The following TM9SF3 variants were observed in gnomAD, a reference collection of about 807,000 sequenced individuals.
TM9SF3 encodes transmembrane 9 superfamily member 3.
In TM9SF3, 14 loss-of-function variants were observed where a neutral mutation model predicts 78.6. That is an observed-to-expected ratio of 0.18 (90% confidence interval 0.12 to 0.28). The LOEUF is 0.28. TM9SF3 is among the 10% of genes least tolerant of loss of function. TM9SF3 has a pLI of 1.00. For synonymous variants in TM9SF3, 231 were observed against 241.7 expected (o/e 0.96, Z 0.41); for missense variants, 496 against 721.9 (o/e 0.69, Z 3.59).
chr10:96,565,216 C>T, intron 3 of TM9SF3, 88 bp downstream of exon 3: 1 of 1,186,462 alleles, frequency 8.4e-7, no homozygotes, highest in Non-Finnish European at 1.1e-6. Context: ...ACACCATGAT[C>T]CAGTACACAA....
intron 6 of TM9SF3, among the ~76,000 whole-genome samples, chr10:96,551,844 G>A (rs1476644365): frequency 1.3e-5 from 2 of 152,080 alleles, no homozygotes; most frequent in Non-Finnish European, 2.9e-5. Context: ...ATGCAGAAAT[G>A]TCCTTTAGCG....
intron 3 of TM9SF3, among the ~76,000 whole-genome samples, chr10:96,565,032 T>A (rs1164135228): frequency 6.6e-6 from 1 of 152,138 alleles, no homozygotes; most frequent in Non-Finnish European, 1.5e-5. Flanking sequence ...AGAAGAAATT[T>A]TTAGATTGTT....
chr10:96,579,826 G>C (rs1426863563), intron 1 of TM9SF3, among the ~76,000 whole-genome samples: 3 of 152,156 alleles, frequency 2.0e-5, no homozygotes, highest in Non-Finnish European at 4.4e-5. Context: ...CTGAGAATAA[G>C]TGCTTCCAAG....
intron 14 of TM9SF3, 90 bp from the exon 15 acceptor site, chr10:96,522,420 G>A (rs956722090): frequency 9.6e-7 from 1 of 1,039,542 alleles, no homozygotes; most frequent in East Asian, 2.9e-5. Flanking sequence ...GCTCTGGAAA[G>A]TTATTCTTTT....
Position 96,530,555 on chromosome 10 carries a change from G to A in TM9SF3, c.1379C>T (p.Ser460Leu). 6.2e-7 allele frequency: 1 copy of A among 1,611,934 alleles called. No homozygotes were observed. The highest frequency in any genetic ancestry group is 8.5e-7 in the Non-Finnish European group (1 of 1,178,916). Residue 460 changes from serine to leucine, a missense_variant, in exon 11 of 15, where the codon TCA becomes TTA. Around this residue, in one of 4 missense-constraint regions of TM9SF3, gnomAD observed 280 missense variants for 422.6 expected, o/e 0.66. Transcript: ENST00000371142. ...CAAAACTTACATTTCAATAAAGATT[G>A]AACCAAAAGGTAAAATTCCACCCAG... ...VCLGGILPFG[S>L]IFIEMYFIFT...
chr10:96,557,701 G>A (rs1848252468), intron 5 of TM9SF3, among the ~76,000 whole-genome samples: 1 of 152,034 alleles, frequency 6.6e-6, no homozygotes, highest in African/African-American at 2.4e-5. Context: ...TTTCAATGGT[G>A]TTGCCTCCAC....
At chr10:96,573,205 T>C (rs2134158072) in intron 2 of TM9SF3, among the ~76,000 whole-genome samples, 1 of 152,340 alleles carries the variant, frequency 6.6e-6, no homozygotes, top group Middle Eastern at 3.4e-3. Flanking sequence ...AGAGACATAA[T>C]GTTCCAGTTT....
chr10:96,582,865 A>G (rs1288316145), intron 1 of TM9SF3, among the ~76,000 whole-genome samples: 1 of 152,068 alleles, frequency 6.6e-6, no homozygotes, highest in Admixed American at 6.5e-5. Context: ...GGATCACCTG[A>G]TATCAGGAGT....
At position 96,576,834 on chromosome 10, in the gene TM9SF3, A is replaced by G. The variant is rs997562377; in HGVS notation, c.103-5T>C. ...AACTTCCTCTTTATCTTGATACTGA[A>G]ACAAGAAAAGCAAACAAGAATTAAA... On this transcript the variant is annotated splice_region_variant and splice_polypyrimidine_tract_variant and intron_variant, in intron 1 of 14. Transcript: ENST00000371142. The G allele has an allele frequency of 1.7e-5, 25 of 1,499,244 alleles. No homozygotes were observed. Among genetic ancestry groups the G allele is most frequent in the Non-Finnish European group, 2.2e-5 (25 of 1,128,416 alleles). The allele number at this position is 1,499,244 out of a possible 1,614,324, so 92.9% of individuals were successfully genotyped here.
At chr10:96,551,115 T>A in intron 7 of TM9SF3, 130 bp downstream of exon 7, 1 of 813,586 alleles carries the variant, frequency 1.2e-6, no homozygotes, top group Non-Finnish European at 1.9e-6. Flanking sequence ...TCTGCATTTA[T>A]GATATTTATC....
intron 2 of TM9SF3, 136 bp from the exon 3 acceptor site, chr10:96,565,562 T>C: frequency 1.0e-6 from 1 of 978,538 alleles, no homozygotes; most frequent in South Asian, 1.8e-5. Flanking sequence ...GAGTGATAAA[T>C]AAGTGTGGGT....
chr10:96,570,813 T>C (rs1474981950), intron 2 of TM9SF3, among the ~76,000 whole-genome samples: 4 of 152,180 alleles, frequency 2.6e-5, no homozygotes, highest in Admixed American at 2.6e-4. Context: ...TGGTACAATC[T>C]TGGCTCACTG....
chr10:96,543,148 T>C (rs1280201770), intron 9 of TM9SF3, among the ~76,000 whole-genome samples: 1 of 152,186 alleles, frequency 6.6e-6, no homozygotes, highest in African/African-American at 2.4e-5. Flanking sequence ...AGTCTAGGCC[T>C]AAAATTCTGT....
rs376285496 is a variant in TM9SF3 at position 96,533,084 on chromosome 10, T to C, written c.1292A>G (p.Asn431Ser). ...CTCCGGTATAGGACGAGGCACAGCA[T>C]TGACACGACAAGGAAAGTTGGGCTG... ...SGQPNFPCRVNAVPRPIPEKK... is the reference protein window; with the variant it reads ...SGQPNFPCRVSAVPRPIPEKK... The change falls in exon 10 of 15, where the codon AAT (asparagine) becomes AGT (serine). Residue 431 changes from asparagine to serine, a missense_variant. This residue lies in a region of TM9SF3 where 280 missense variants were observed against 422.6 expected (regional missense o/e 0.66). Transcript: ENST00000371142. 6 of 1,614,124 alleles carry C rather than the reference T, an allele frequency of 3.7e-6. No homozygotes were observed. Among genetic ancestry groups the C allele is most frequent in the East Asian group, 2.2e-5 (1 of 44,874 alleles).
At chr10:96,525,813 T>C (rs906966336) in intron 14 of TM9SF3, among the ~76,000 whole-genome samples, 1 of 152,030 alleles carries the variant, frequency 6.6e-6, no homozygotes, top group East Asian at 1.9e-4. Context: ...AAGGGACCAG[T>C]CTCATTTATC....
intron 1 of TM9SF3, chr10:96,577,516 G>A (rs1214070222): frequency 6.6e-6 from 1 of 152,180 alleles, no homozygotes; most frequent in Non-Finnish European, 1.5e-5. Flanking sequence ...ATGACTTTGA[G>A]TAGTTCCAAG....
At chr10:96,557,561 C>G (rs1055270535) in intron 5 of TM9SF3, among the ~76,000 whole-genome samples, 2 of 121,322 alleles carry the variant, frequency 1.6e-5, no homozygotes, top group East Asian at 4.6e-4. Flanking sequence ...TCCCCTGCCC[C>G]CTTTGCATTT....
intron 5 of TM9SF3, among the ~76,000 whole-genome samples, chr10:96,556,613 C>A (rs562588737): frequency 6.6e-6 from 1 of 152,104 alleles, no homozygotes; most frequent in South Asian, 2.1e-4. Flanking sequence ...GCAATCTCCA[C>A]TGAACCCCAT....
intron 1 of TM9SF3, among the ~76,000 whole-genome samples, chr10:96,581,863 T>C (rs1341201439): frequency 6.6e-6 from 1 of 152,188 alleles, no homozygotes; most frequent in Non-Finnish European, 1.5e-5. Context: ...TGTCCAACAT[T>C]AGAAGTCTCA....
Sources: gnomAD v4.1 joint callset for allele counts (sites outside exome capture counted in the v4.1 genomes callset) on GRCh38, gnomAD v4.1.1 for gene constraint, gnomAD v4.1.1 regional missense constraint, MANE v1.5 for transcripts, NCBI Gene and HGNC (gene_info 2026-07-23, HGNC 2026-07-21) for gene names.